The following TTC21A variants were observed in gnomAD, a reference collection of about 807,000 sequenced individuals.
The protein encoded by TTC21A is tetratricopeptide repeat domain 21A.
TTC21A carries 128 observed loss-of-function variants against 156.4 expected under a neutral mutation model. The observed-to-expected ratio is 0.82, with a 90% CI of 0.71 to 0.95. The LOEUF (loss-of-function observed/expected upper bound fraction) is 0.95. Among genes scored for constraint, TTC21A ranks in the 40% least tolerant of loss-of-function variants. The probability of loss-of-function intolerance (pLI) is 0.00; values close to 1 mark genes in which losing one functional copy is unlikely to be tolerated. For synonymous variants in TTC21A, 587 were observed against 617.1 expected (o/e 0.95, Z 0.72); for missense variants, 1,435 against 1,602.3 (o/e 0.90, Z 1.78).
chr3:39,136,773 A>T, intron 23 of TTC21A, 126 bp from the exon 24 acceptor site: 1 of 1,298,104 alleles, frequency 7.7e-7, no homozygotes, highest in Admixed American at 2.2e-5. Flanking sequence ...CATCTCCTCC[A>T]GGGGAGCTGG....
intron 2 of TTC21A, 117 bp downstream of exon 2, chr3:39,109,331 A>G: frequency 8.4e-7 from 1 of 1,187,696 alleles, no homozygotes; most frequent in South Asian, 1.5e-5. Flanking sequence ...ACAGTTTCAC[A>G]CTCAGCGGCT....
At position 39,121,099 on chromosome 3, in the gene TTC21A, C is replaced by G; in HGVS notation, c.1003C>G (p.Leu335Val). 1 of 1,614,144 alleles carries G rather than the reference C, an allele frequency of 6.2e-7. No individual in the cohort carries two copies. Among genetic ancestry groups the G allele is most frequent in the East Asian group, 2.2e-5 (1 of 44,880 alleles). The change falls in exon 9 of 29, where the codon CTC (leucine) becomes GTC (valine). Residue 335 changes from leucine (L) to valine (V), a missense_variant. Coordinates refer to ENST00000683103, the MANE Select transcript of TTC21A (RefSeq NM_001366900.1). ...CCATGTGGCCACAGAACTGGGCTAT[C>G]TCTTCATCCTGAAGAACCAAGTGAA... ...YVHVATELGYLFILKNQVKEA... is the reference protein window; with the variant it reads ...YVHVATELGYVFILKNQVKEA...
intron 15 of TTC21A, 127 bp downstream of exon 15, chr3:39,129,437 A>T (rs1031498200): frequency 4.0e-6 from 3 of 758,538 alleles, no homozygotes; most frequent in East Asian, 4.9e-5. Flanking sequence ...TGATGAATGT[A>T]TGGAATTGTC....
intron 9 of TTC21A, among the ~76,000 whole-genome samples, chr3:39,122,915 A>G (rs2037889649): frequency 6.6e-6 from 1 of 152,212 alleles, no homozygotes; most frequent in South Asian, 2.1e-4. Flanking sequence ...TGGAGTCACC[A>G]TATTTTCTGC....
intron 5 of TTC21A, among the ~76,000 whole-genome samples, chr3:39,113,492 G>A (rs1178186920): frequency 6.6e-6 from 1 of 152,188 alleles, no homozygotes; most frequent in Non-Finnish European, 1.5e-5. Context: ...CTGCCCCAGG[G>A]ACAGGTGTGA....
chr3:39,125,310 G>C, intron 10 of TTC21A, 22 bp from the exon 11 acceptor site: 4 of 1,611,202 alleles, frequency 2.5e-6, no homozygotes, highest in Non-Finnish European at 3.4e-6. Flanking sequence ...TTGGCACTGA[G>C]ACTCGGTCCT....
chr3:39,112,735 A>C (rs1450538157), intron 5 of TTC21A, 155 bp downstream of exon 5: 4 of 666,784 alleles, frequency 6.0e-6, no homozygotes, highest in Non-Finnish European at 7.4e-6. Context: ...CAACCAATCC[A>C]GGGTTACACA....
Position 39,128,757 on chromosome 3 carries a change from C to A in TTC21A, c.1721C>A (p.Ala574Asp), listed in dbSNP as rs1448864712. 9.3e-6 allele frequency: 15 copies of A among 1,614,116 alleles called. No individual in the cohort carries two copies. The highest frequency in any genetic ancestry group is 1.3e-5 in the Non-Finnish European group (15 of 1,180,024). The change falls in exon 14 of 29, where the codon GCC becomes GAC. Residue 574 changes from alanine (A) to aspartate (D), a missense_variant. Ala to Asp is a moderately radical substitution (Grantham distance 126, BLOSUM62 -2). Transcript: ENST00000683103. Reference sequence around the variant, plus strand: ...CTCTACCACCTCATCAAGGCCAGGGCCCTCAACAAGGCTGGAGACTATCCA... The same window carrying A: ...CTCTACCACCTCATCAAGGCCAGGGACCTCAACAAGGCTGGAGACTATCCA... ...HPLYHLIKAR[A>D]LNKAGDYPEA...
intron 13 of TTC21A, 49 bp downstream of exon 13, chr3:39,128,537 G>T (rs2125833459): frequency 6.2e-7 from 1 of 1,610,462 alleles, no homozygotes; most frequent in East Asian, 2.2e-5. Context: ...GCTAGCTGTG[G>T]CCCCTGTTTG....
In TTC21A at chr3:39,128,910, C is replaced by T. The variant is rs1473457294; in HGVS notation, c.1874C>T (p.Ala625Val). 8.1e-6 allele frequency: 13 copies of T among 1,614,214 alleles called. No homozygotes were observed. Among genetic ancestry groups the T allele is most frequent in the Non-Finnish European group, 1.1e-5 (13 of 1,180,044 alleles). Residue 625 changes from alanine (A) to valine (V), a missense_variant, in exon 14 of 29, where the codon GCC becomes GTC. Ala to Val is a moderately conservative substitution (Grantham distance 64). Transcript: ENST00000683103. ...TCCATCTTATTGGAACTGGTGGAGG[C>T]CCTCCGGCTGAATGGGGAGCTAGTA... ...RASILLELVE[A>V]LRLNGELHEA... is the part of the protein sequence containing the mutation.
In TTC21A at chr3:39,130,548, G is replaced by A; in HGVS notation, c.2320-153G>A. The A allele has an allele frequency of 1.8e-6, 2 of 1,081,774 alleles. No individual in the cohort carries two copies. Among genetic ancestry groups the A allele is most frequent in the Admixed American group, 4.2e-5 (2 of 47,600 alleles). The allele number at this position is 1,081,774 out of a possible 1,614,324, so 67.0% of individuals were successfully genotyped here. On this transcript the variant is annotated intron_variant, in intron 17 of 28. Coordinates refer to ENST00000683103, the MANE Select transcript of TTC21A (RefSeq NM_001366900.1). This position sits in a 1 kb window ranked among gnomAD's most constrained non-coding sequence, Gnocchi z 4.5. ...GCTGACCACACCTGCTTAAGCTGAG[G>A]GTTACACCCTGTGCCAGCTGGGAGG...
At chr3:39,126,474 CTACA>C (rs1260323730) in intron 12 of TTC21A, 84 bp downstream of exon 12, 203 of 815,444 alleles carry the variant, frequency 2.5e-4, no homozygotes, top group Non-Finnish European at 2.9e-4. Flanking sequence ...GCCTAGGATA[CTACA>C]CACACACACA....
Position 39,133,629 on chromosome 3 carries a change from G to A in TTC21A, c.2751+389G>A, listed in dbSNP as rs147551578. On this transcript the variant is annotated intron_variant, in intron 20 of 28. Coordinates refer to ENST00000683103, the MANE Select transcript of TTC21A (RefSeq NM_001366900.1). ...AGCTTCCAAGAGGGCCTAGAGTTGT[G>A]AGGGAGGTGTGGCTCCAGATAAGGG... is the stretch of plus-strand genomic sequence containing the variant. Among the ~76,000 whole-genome samples the A allele has an allele frequency of 9.2e-5, 14 of 152,336 alleles. No individual in the cohort carries two copies. In the East Asian group the frequency reaches 2.3e-3, roughly 25 times the overall value.
At chr3:39,127,892 G>A (rs1417493617) in intron 12 of TTC21A, among the ~76,000 whole-genome samples, 1 of 152,218 alleles carries the variant, frequency 6.6e-6, no homozygotes, top group Admixed American at 6.5e-5. Context: ...GCAGGGCTGG[G>A]CAAGTAATAA....
At chr3:39,110,513 A>G in intron 3 of TTC21A, 2 of 501,078 alleles carry the variant, frequency 4.0e-6, no homozygotes, top group Non-Finnish European at 7.2e-6. Context: ...AAGAGAGACT[A>G]CAGACTACTA....
rs1173155439 is a variant in TTC21A at position 39,134,304 on chromosome 3, G to A, written c.2838G>A (p.Glu946=). 1 of 1,613,786 alleles carries A rather than the reference G, an allele frequency of 6.2e-7. No individual in the cohort carries two copies. Among genetic ancestry groups the A allele is most frequent in the Non-Finnish European group, 8.5e-7 (1 of 1,179,822 alleles). ...ACTGTGCCATCCTCCTGCAGACTGA[G>A]CAGAACCATGAGACCGCTTCTGTGG... ...EQHCAILLQT[E]QNHETASVLM... is the part of the protein sequence containing the mutation. The change falls in exon 21 of 29, where the codon GAG becomes GAA. Residue 946 remains glutamate (E), a synonymous_variant. Coordinates refer to ENST00000683103, the MANE Select transcript of TTC21A (RefSeq NM_001366900.1). This position sits in a 1 kb window ranked among gnomAD's most constrained non-coding sequence, Gnocchi z 4.6.
chr3:39,116,223 G>A (rs536154956), intron 6 of TTC21A, among the ~76,000 whole-genome samples: 6 of 152,256 alleles, frequency 3.9e-5, no homozygotes, highest in Non-Finnish European at 8.8e-5. Context: ...TTCCCAGTTA[G>A]TGGGATTCAT....
chr3:39,122,503 A>G (rs1383863224), intron 9 of TTC21A, among the ~76,000 whole-genome samples: 11 of 152,210 alleles, frequency 7.2e-5, no homozygotes, highest in Non-Finnish European at 4.4e-5. Flanking sequence ...GCTTTCCCCA[A>G]AGAGTTCCAG....
rs2039233094 is a variant in TTC21A, at chr3:39,137,636, G to A, written c.3601G>A (p.Ala1201Thr). The A allele has an allele frequency of 6.2e-7, 1 of 1,614,210 alleles. No homozygotes were observed. Among genetic ancestry groups the A allele is most frequent in the Non-Finnish European group, 8.5e-7 (1 of 1,180,028 alleles). The change falls in exon 26 of 29, where the codon GCT (alanine) becomes ACT (threonine). Residue 1201 changes from alanine to threonine, a missense_variant. Coordinates refer to ENST00000683103, the MANE Select transcript of TTC21A (RefSeq NM_001366900.1). Reference sequence around the variant, plus strand: ...CCTGGAGAAGAGCTGGCTCCTGCTGGCTGACATTTACTGCCAGGGCAGCAA... The same window carrying A: ...CCTGGAGAAGAGCTGGCTCCTGCTGACTGACATTTACTGCCAGGGCAGCAA... ...EDLEKSWLLL[A>T]DIYCQGSKFD...
Sources: gnomAD v4.1 joint callset for allele counts (sites outside exome capture counted in the v4.1 genomes callset) on GRCh38, gnomAD v4.1.1 for gene constraint, Gnocchi (gnomAD v3.1) non-coding constraint, MANE v1.5 for transcripts, NCBI Gene and HGNC (gene_info 2026-07-23, HGNC 2026-07-21) for gene names.